LRRC20: variants seen among roughly 807,000 people sequenced by gnomAD.
LRRC20 encodes the protein leucine-rich repeat-containing protein 20.
LRRC20 carries 11 observed loss-of-function variants against 14.4 expected under a neutral mutation model. The ratio of observed to expected loss-of-function variants is 0.77; its 90% CI spans 0.48 to 1.27. The LOEUF is 1.27. Among genes scored for constraint, LRRC20 ranks in the 50% most tolerant of loss-of-function variants. The probability of loss-of-function intolerance (pLI) is 0.00; values close to 1 mark genes in which losing one functional copy is unlikely to be tolerated. For missense variants in LRRC20, 219 were observed against 251.2 expected, an observed-to-expected ratio of 0.87 and a Z score of 0.87; for synonymous variants, 121 against 107.3, an observed-to-expected ratio of 1.13 and a Z score of -0.79.
chr10:70,320,328 T>C (rs1842030725), intron 4 of LRRC20, among the ~76,000 whole-genome samples: 2 of 152,066 alleles, frequency 1.3e-5, no homozygotes, highest in African/African-American at 2.4e-5. Context: ...GATAGATAGA[T>C]AGATAGATAG....
chr10:70,312,106 A>G (rs1352994127), intron 4 of LRRC20, among the ~76,000 whole-genome samples: 2 of 152,124 alleles, frequency 1.3e-5, no homozygotes, highest in African/African-American at 4.8e-5. Flanking sequence ...GTGTCAAGGG[A>G]GGTGAGCACC....
At chr10:70,303,456 G>C (rs1052840309) in intron 4 of LRRC20, among the ~76,000 whole-genome samples, 5 of 152,144 alleles carry the variant, frequency 3.3e-5, no homozygotes, top group Admixed American at 1.3e-4. Flanking sequence ...CACTATGCTG[G>C]ATCATCACTT....
At chr10:70,330,377 G>A (rs190999762) in intron 3 of LRRC20, among the ~76,000 whole-genome samples, 12 of 152,240 alleles carry the variant, frequency 7.9e-5, no homozygotes, top group Admixed American at 6.5e-4. Context: ...CTTCTAAGTT[G>A]CCAAATTTAT....
In LRRC20 at chr10:70,340,690, C is replaced by A; in HGVS notation, c.95G>T (p.Cys32Phe). Residue 32 changes from cysteine (C) to phenylalanine (F), a missense_variant, in exon 3 of 5, where the codon TGC (cysteine) becomes TTC (phenylalanine). Coordinates refer to ENST00000446961, the MANE Select transcript of LRRC20 (RefSeq NM_001278212.2). ...GCCAATGGGAAAGGAGACCAGCTTG[C>A]ACTCGGCCAGGTCTGCAGCCAAAGA... Reference protein sequence around the residue: ...SGSDTLDLAECKLVSFPIGIY... With the variant: ...SGSDTLDLAEFKLVSFPIGIY... 6.2e-7 allele frequency: 1 copy of A among 1,614,208 alleles called. No homozygotes were observed. The highest frequency in any genetic ancestry group is 8.5e-7 in the Non-Finnish European group (1 of 1,180,038).
chr10:70,325,816 C>T (rs1295711557), intron 3 of LRRC20, among the ~76,000 whole-genome samples: 1 of 152,198 alleles, frequency 6.6e-6, no homozygotes. Context: ...TCCCTTCTGC[C>T]TTCCAACCTT....
chr10:70,372,686 C>T (rs1309253863), intron 2 of LRRC20, among the ~76,000 whole-genome samples: 1 of 152,004 alleles, frequency 6.6e-6, no homozygotes, highest in Non-Finnish European at 1.5e-5. Flanking sequence ...TTGTGATCCG[C>T]CCGCCTCGGC....
At chr10:70,359,385 C>T (rs559891877) in intron 2 of LRRC20, among the ~76,000 whole-genome samples, 7 of 152,236 alleles carry the variant, frequency 4.6e-5, no homozygotes, top group East Asian at 3.9e-4. Context: ...AGTGAGACTC[C>T]GTCTGTATAA....
At chr10:70,380,850 C>A (rs1347809873) in intron 1 of LRRC20, among the ~76,000 whole-genome samples, 1 of 152,202 alleles carries the variant, frequency 6.6e-6, no homozygotes, top group African/African-American at 2.4e-5. Context: ...GGGGCAGAGA[C>A]TGGGTATGGG....
At chr10:70,319,286 T>C (rs1841990245) in intron 4 of LRRC20, among the ~76,000 whole-genome samples, 1 of 152,156 alleles carries the variant, frequency 6.6e-6, no homozygotes, top group Admixed American at 6.5e-5. Context: ...CTCTAATATG[T>C]GACGTTTGTC....
intron 4 of LRRC20, among the ~76,000 whole-genome samples, chr10:70,322,768 A>C (rs879708185): frequency 6.6e-6 from 1 of 151,916 alleles, no homozygotes; most frequent in Non-Finnish European, 1.5e-5. Context: ...AACCCGATGC[A>C]CTCTCATGAT....
At chr10:70,358,453 T>C (rs566592467) in intron 2 of LRRC20, among the ~76,000 whole-genome samples, 1 of 152,258 alleles carries the variant, frequency 6.6e-6, no homozygotes, top group East Asian at 1.9e-4. Flanking sequence ...CAGGGCTTGA[T>C]ATAGCAAGGA....
At chr10:70,376,637 C>A in intron 1 of LRRC20, 41 bp from the exon 2 acceptor site, 1 of 1,071,738 alleles carries the variant, frequency 9.3e-7, no homozygotes, top group Non-Finnish European at 1.4e-6. Context: ...GCCTGCCAGC[C>A]AGGGGCCCAC....
chr10:70,341,666 G>A (rs2137023002), intron 2 of LRRC20, among the ~76,000 whole-genome samples: 1 of 152,272 alleles, frequency 6.6e-6, no homozygotes, highest in South Asian at 2.1e-4. Flanking sequence ...TACTCACAAG[G>A]CTGAGGCACG....
At chr10:70,363,989 T>A (rs1461562636) in intron 2 of LRRC20, among the ~76,000 whole-genome samples, 1 of 152,216 alleles carries the variant, frequency 6.6e-6, no homozygotes, top group Non-Finnish European at 1.5e-5. Context: ...ACCTGCTTCC[T>A]GCGAGAGGCA....
intron 3 of LRRC20, among the ~76,000 whole-genome samples, chr10:70,332,515 T>TAGTCCCAGCTA (rs1341309377): frequency 6.6e-6 from 1 of 152,118 alleles, no homozygotes; most frequent in Non-Finnish European, 1.5e-5. Flanking sequence ...TTTGATGGTG[T>TAGTCCCAGCTA]GTGCCGTAGT....
intron 4 of LRRC20, among the ~76,000 whole-genome samples, chr10:70,310,859 G>A (rs1841629318): frequency 1.3e-5 from 2 of 152,226 alleles, no homozygotes; most frequent in Admixed American, 6.5e-5. Context: ...GATAAGACAC[G>A]TATCCTAGTC....
At chr10:70,346,349 G>C (rs990743383) in intron 2 of LRRC20, among the ~76,000 whole-genome samples, 1 of 152,160 alleles carries the variant, frequency 6.6e-6, no homozygotes, top group African/African-American at 2.4e-5. Flanking sequence ...CCAGTTCAAG[G>C]CTGCAGTAAG....
intron 3 of LRRC20, among the ~76,000 whole-genome samples, chr10:70,327,218 A>G (rs1842361671): frequency 6.6e-6 from 1 of 152,206 alleles, no homozygotes; most frequent in Non-Finnish European, 1.5e-5. Flanking sequence ...CTGGTCAAAC[A>G]TGATTTCTGG....
intron 3 of LRRC20, among the ~76,000 whole-genome samples, chr10:70,331,100 C>T (rs1165053886): frequency 6.6e-6 from 1 of 152,204 alleles, no homozygotes; most frequent in East Asian, 1.9e-4. Flanking sequence ...CACTGAAATT[C>T]CTTGTGGAGA....
Sources: allele counts gnomAD v4.1 joint callset (sites outside exome capture counted in the v4.1 genomes callset), GRCh38; gene constraint gnomAD v4.1.1; transcripts MANE v1.5; gene names NCBI Gene and HGNC (gene_info 2026-07-23, HGNC 2026-07-21).